PARP8: variants seen among roughly 807,000 people sequenced by gnomAD.
PARP8 encodes protein mono-ADP-ribosyltransferase PARP8.
Under a neutral mutation model 124.1 loss-of-function variants are expected in PARP8, and 51 were observed. The ratio of observed to expected loss-of-function variants is 0.41; its 90% CI spans 0.33 to 0.52. PARP8 has a LOEUF of 0.52. Among genes scored for constraint, PARP8 ranks in the 20% least tolerant of loss-of-function variants. PARP8 has a pLI of 0.21. For missense variants in PARP8, 860 were observed against 1,018.9 expected (o/e 0.84, Z 2.12); for synonymous variants, 391 against 361.5 (o/e 1.08, Z -0.93).
chr5:50,687,000 G>T (rs1222376512), intron 2 of PARP8, among the ~76,000 whole-genome samples: 2 of 152,116 alleles, frequency 1.3e-5, no homozygotes, highest in South Asian at 2.1e-4. Flanking sequence ...ATTAACATTC[G>T]GCTTCTAGTT....
intron 2 of PARP8, chr5:50,741,712 C>A: frequency 3.5e-6 from 1 of 283,726 alleles, no homozygotes; most frequent in South Asian, 2.9e-5. Context: ...GAGAAACTAA[C>A]TTAATGTTTG....
intron 9 of PARP8, among the ~76,000 whole-genome samples, chr5:50,784,157 T>A (rs1740981667): frequency 6.6e-6 from 1 of 152,198 alleles, no homozygotes; most frequent in African/African-American, 2.4e-5. Context: ...CTGACCTACT[T>A]AACAGTTCTT....
intron 14 of PARP8, among the ~76,000 whole-genome samples, chr5:50,800,769 T>C (rs1743116677): frequency 6.6e-6 from 1 of 151,820 alleles, no homozygotes; most frequent in Non-Finnish European, 1.5e-5. Flanking sequence ...TTTTTTTTTT[T>C]TTTTGAAACA....
At chr5:50,772,679 CTTTTAT>C (rs370907172) in intron 7 of PARP8, among the ~76,000 whole-genome samples, 147 of 151,608 alleles carry the variant, frequency 9.7e-4, no homozygotes, top group South Asian at 4.0e-3. Context: ...GGTCTTTTGC[CTTTTAT>C]TTTTATTTTT....
intron 2 of PARP8, among the ~76,000 whole-genome samples, chr5:50,698,124 A>G (rs994461356): frequency 6.6e-6 from 1 of 152,202 alleles, no homozygotes; most frequent in African/African-American, 2.4e-5. Context: ...TTTTGGTGTC[A>G]TGGATGTAGA....
At chr5:50,742,425 C>T (rs1164875071) in intron 2 of PARP8, among the ~76,000 whole-genome samples, 1 of 152,058 alleles carries the variant, frequency 6.6e-6, no homozygotes, top group Non-Finnish European at 1.5e-5. Context: ...ATGGATTAAT[C>T]TTAGATTACA....
At chr5:50,777,670 G>A (rs1463449002) in intron 7 of PARP8, among the ~76,000 whole-genome samples, 1 of 152,036 alleles carries the variant, frequency 6.6e-6, no homozygotes, top group Non-Finnish European at 1.5e-5. Flanking sequence ...GCATTATTGT[G>A]TGTCTTCCCT....
At chr5:50,810,142 G>A (rs1342251259) in intron 14 of PARP8, among the ~76,000 whole-genome samples, 2 of 151,616 alleles carry the variant, frequency 1.3e-5, no homozygotes, top group Non-Finnish European at 2.9e-5. Flanking sequence ...CTTTTAAATC[G>A]TGCCTAATGA....
intron 3 of PARP8, among the ~76,000 whole-genome samples, chr5:50,754,023 T>G (rs1301465522): frequency 1.4e-5 from 2 of 145,506 alleles, no homozygotes; most frequent in Non-Finnish European, 3.0e-5. Flanking sequence ...ACATTAAAAA[T>G]CTAACTGTCC....
At chr5:50,678,167 C>A (rs975408750) in intron 2 of PARP8, among the ~76,000 whole-genome samples, 1 of 152,002 alleles carries the variant, frequency 6.6e-6, no homozygotes, top group African/African-American at 2.4e-5. Context: ...TTTACTATTA[C>A]AAAAATTATT....
intron 14 of PARP8, among the ~76,000 whole-genome samples, chr5:50,811,635 G>A (rs574077362): frequency 4.9e-4 from 75 of 151,610 alleles, no homozygotes; most frequent in South Asian, 1.3e-3. Context: ...ACATGTGCAC[G>A]AAGTGCAGGT....
intron 2 of PARP8, among the ~76,000 whole-genome samples, chr5:50,709,220 A>G (rs1436288379): frequency 6.6e-6 from 1 of 151,440 alleles, no homozygotes; most frequent in Non-Finnish European, 1.5e-5. Context: ...CCACCTCTTC[A>G]TCTCTTTATT....
chr5:50,750,104 C>A (rs757284574), intron 2 of PARP8, 47 bp from the exon 3 acceptor site: 1 of 1,411,572 alleles, frequency 7.1e-7, no homozygotes, highest in South Asian at 1.2e-5. Flanking sequence ...AAAAGCCTGT[C>A]TACCTTAGCA....
At chr5:50,794,484 A>T (rs547297525) in intron 11 of PARP8, 152 bp downstream of exon 11, 68 of 861,484 alleles carry the variant, frequency 7.9e-5, no homozygotes, top group Admixed American at 6.5e-4. Context: ...CATCAAAAAC[A>T]TATTCATTTC....
At chr5:50,691,231 T>G (rs565729728) in intron 2 of PARP8, among the ~76,000 whole-genome samples, 7 of 152,316 alleles carry the variant, frequency 4.6e-5, no homozygotes, top group Admixed American at 4.6e-4. Context: ...TTTGCTTCTT[T>G]TTTCCTCCCC....
At chr5:50,821,852 C>T (rs780807651) in intron 16 of PARP8, among the ~76,000 whole-genome samples, 4 of 152,142 alleles carry the variant, frequency 2.6e-5, no homozygotes, top group Non-Finnish European at 4.4e-5. Context: ...ATGGCAACAG[C>T]GCACATATTT....
At chr5:50,783,553 A>G (rs114301156) in intron 9 of PARP8, among the ~76,000 whole-genome samples, 3 of 152,310 alleles carry the variant, frequency 2.0e-5, no homozygotes, top group Non-Finnish European at 4.4e-5. Flanking sequence ...ACACTAATAT[A>G]TACTATAGTA....
chr5:50,693,635 A>G (rs1025247182), intron 2 of PARP8, among the ~76,000 whole-genome samples: 2 of 151,578 alleles, frequency 1.3e-5, no homozygotes, highest in Non-Finnish European at 2.9e-5. Flanking sequence ...TTAATCTATT[A>G]CATACATTAA....
intron 2 of PARP8, among the ~76,000 whole-genome samples, chr5:50,678,648 T>G (rs1432080200): frequency 6.6e-6 from 1 of 152,202 alleles, no homozygotes; most frequent in Non-Finnish European, 1.5e-5. Context: ...AACTGATATT[T>G]TGTGGCCCAA....
Sources: allele counts gnomAD v4.1 joint callset (sites outside exome capture counted in the v4.1 genomes callset), GRCh38; gene constraint gnomAD v4.1.1; transcripts MANE v1.5; gene names NCBI Gene and HGNC (gene_info 2026-07-23, HGNC 2026-07-21).